The following GSK3B variants were observed in gnomAD, a reference collection of about 807,000 sequenced individuals.
GSK3B encodes glycogen synthase kinase-3 beta.
Under a neutral mutation model 56.4 loss-of-function variants are expected in GSK3B, and 15 were observed. That is an observed-to-expected ratio of 0.27 (90% CI 0.18 to 0.41). The LOEUF is 0.41. Ranked by LOEUF, GSK3B falls within the 10% of genes least tolerant of loss-of-function variation. GSK3B has a pLI of 1.00. For synonymous variants in GSK3B, 181 were observed against 188.9 expected (o/e 0.96, Z 0.34); for missense variants, 300 against 513.4 (o/e 0.58, Z 4.02).
intron 1 of GSK3B, among the ~76,000 whole-genome samples, chr3:120,045,085 C>G (rs1237876683): frequency 1.3e-5 from 2 of 152,190 alleles, no homozygotes; most frequent in Non-Finnish European, 2.9e-5. Flanking sequence ...TTAGTGCAAA[C>G]GCTTATAAAA....
intron 2 of GSK3B, among the ~76,000 whole-genome samples, chr3:119,989,502 G>A (rs113346074): frequency 0.012 from 1,854 of 151,784 alleles, 32 homozygotes; most frequent in African/African-American, 0.042. Context: ...AAAATTAGCC[G>A]GGCGTACAGG....
At chr3:120,004,340 A>G (rs1228065075) in intron 1 of GSK3B, among the ~76,000 whole-genome samples, 1 of 152,226 alleles carries the variant, frequency 6.6e-6, no homozygotes, top group Non-Finnish European at 1.5e-5. Context: ...GGGGCAGGGC[A>G]TATCTGAACA....
At chr3:119,889,008 C>T (rs571987405) in intron 7 of GSK3B, among the ~76,000 whole-genome samples, 3 of 152,204 alleles carry the variant, frequency 2.0e-5, no homozygotes, top group South Asian at 2.1e-4. Context: ...CAAGACAATA[C>T]GTGCACTGCA....
chr3:119,919,134 G>A (rs935918622), intron 4 of GSK3B, among the ~76,000 whole-genome samples: 5 of 152,100 alleles, frequency 3.3e-5, no homozygotes, highest in Non-Finnish European at 7.4e-5. Context: ...ATACTCATCA[G>A]AAAAGCAAAG....
At chr3:120,025,381 T>A (rs898304797) in intron 1 of GSK3B, among the ~76,000 whole-genome samples, 5 of 151,882 alleles carry the variant, frequency 3.3e-5, no homozygotes, top group African/African-American at 7.3e-5. Flanking sequence ...AGAGATCTAA[T>A]AAACTAGAAA....
chr3:119,841,697 C>T (rs542200682), intron 10 of GSK3B, among the ~76,000 whole-genome samples: 52 of 152,074 alleles, frequency 3.4e-4, no homozygotes, highest in Non-Finnish European at 5.6e-4. Flanking sequence ...AAAGTAATTG[C>T]CACTCCATTT....
At chr3:119,966,375 CACTT>C (rs1451651016) in intron 2 of GSK3B, among the ~76,000 whole-genome samples, 5 of 152,168 alleles carry the variant, frequency 3.3e-5, no homozygotes, top group Non-Finnish European at 7.4e-5. Context: ...TGAGCACTCT[CACTT>C]AAGTATGAAA....
At chr3:119,900,380 G>A (rs902126485) in intron 7 of GSK3B, among the ~76,000 whole-genome samples, 4 of 151,896 alleles carry the variant, frequency 2.6e-5, no homozygotes, top group Non-Finnish European at 5.9e-5. Flanking sequence ...TATCTCTGTA[G>A]GAATTTTAAT....
At chr3:120,053,230 G>A (rs1003592059) in intron 1 of GSK3B, among the ~76,000 whole-genome samples, 4 of 152,198 alleles carry the variant, frequency 2.6e-5, no homozygotes, top group African/African-American at 9.6e-5. Context: ...CCAGCTACTC[G>A]GGAGGCTGAG....
chr3:119,988,539 T>C (rs2057536688), intron 2 of GSK3B, among the ~76,000 whole-genome samples: 1 of 152,230 alleles, frequency 6.6e-6, no homozygotes, highest in African/African-American at 2.4e-5. Flanking sequence ...TAAGGAACCA[T>C]ACTTACAAAG....
At chr3:119,885,889 A>G (rs959339864) in intron 7 of GSK3B, among the ~76,000 whole-genome samples, 1 of 152,162 alleles carries the variant, frequency 6.6e-6, no homozygotes, top group Non-Finnish European at 1.5e-5. Context: ...ACCATATACA[A>G]AAAGTGACTC....
chr3:119,911,018 G>A (rs1042863877), intron 6 of GSK3B, among the ~76,000 whole-genome samples: 5 of 152,130 alleles, frequency 3.3e-5, no homozygotes, highest in African/African-American at 1.2e-4. Context: ...AGTCTAGAAT[G>A]CCTCAAGGTC....
chr3:120,021,040 G>A (rs2057872566), intron 1 of GSK3B, among the ~76,000 whole-genome samples: 1 of 152,170 alleles, frequency 6.6e-6, no homozygotes, highest in Non-Finnish European at 1.5e-5. Flanking sequence ...AAGCCTTCAA[G>A]GAAGGCTGCC....
At chr3:119,833,058 C>T (rs2055629090) in intron 10 of GSK3B, 9 of 782,006 alleles carry the variant, frequency 1.2e-5, no homozygotes, top group South Asian at 1.2e-4. Flanking sequence ...GGAAACTGCC[C>T]CACCCAAATG....
In GSK3B at chr3:120,065,790, G is replaced by A. The variant is rs538384619; in HGVS notation, c.88+27557C>T. Reference sequence around the variant, plus strand: ...CAGCCATAAACAGGAACGAAGTACTGATACATGCTAAAACAGGGATAAACC... The same window carrying A: ...CAGCCATAAACAGGAACGAAGTACTAATACATGCTAAAACAGGGATAAACC... On this transcript the variant is annotated intron_variant, in intron 1 of 10. Coordinates refer to ENST00000264235, the MANE Select transcript of GSK3B (RefSeq NM_001146156.2). 2.6e-4 allele frequency among the ~76,000 whole-genome samples: 39 copies of A among 152,274 alleles called. 1 individual carries two copies. The highest frequency in any genetic ancestry group is 1.7e-3 in the South Asian group (8 of 4,826).
At chr3:119,996,776 A>G (rs905678025) in intron 2 of GSK3B, among the ~76,000 whole-genome samples, 4 of 152,156 alleles carry the variant, frequency 2.6e-5, no homozygotes, top group African/African-American at 7.2e-5. Flanking sequence ...GAAAGATACA[A>G]TGATTAGAAG....
intron 9 of GSK3B, among the ~76,000 whole-genome samples, chr3:119,845,435 T>C (rs2055841946): frequency 6.6e-6 from 1 of 152,060 alleles, no homozygotes; most frequent in Admixed American, 6.5e-5. Flanking sequence ...CAGCCCAAAA[T>C]CTCCTTAAGC....
At chr3:119,866,712 A>G (rs762837729) in intron 8 of GSK3B, 2 of 840,232 alleles carry the variant, frequency 2.4e-6, no homozygotes, top group Admixed American at 2.2e-5. Flanking sequence ...AATATATCCA[A>G]TGTTATAAGA....
At chr3:119,914,609 A>G (rs1041992675) in intron 5 of GSK3B, among the ~76,000 whole-genome samples, 6 of 152,106 alleles carry the variant, frequency 3.9e-5, no homozygotes, top group African/African-American at 1.4e-4. Flanking sequence ...GAGTTTTACT[A>G]TCTTTCACCC....
Sources: allele counts gnomAD v4.1 joint callset (sites outside exome capture counted in the v4.1 genomes callset), GRCh38; gene constraint gnomAD v4.1.1; transcripts MANE v1.5; gene names NCBI Gene and HGNC (gene_info 2026-07-23, HGNC 2026-07-21).